Variants in ARHGAP28 observed in about 807,000 individuals in gnomAD.
ARHGAP28 encodes rho GTPase-activating protein 28.
ARHGAP28 carries 56 observed loss-of-function variants against 90.7 expected under a neutral mutation model. That is an observed-to-expected ratio of 0.62 (90% CI 0.50 to 0.77). The LOEUF is 0.77. ARHGAP28 is among the 30% of genes least tolerant of loss of function. The pLI is 0.00. For missense variants in ARHGAP28, 869 were observed against 900.9 expected, an observed-to-expected ratio of 0.96 and a Z score of 0.45; for synonymous variants, 308 against 323.3, an observed-to-expected ratio of 0.95 and a Z score of 0.51.
chr18:6,901,375 G>C (rs762966125), intron 16 of ARHGAP28, among the ~76,000 whole-genome samples: 3 of 152,072 alleles, frequency 2.0e-5, no homozygotes, highest in Non-Finnish European at 4.4e-5. Flanking sequence ...CACTCCCTAA[G>C]TGGTCTATGC....
intron 1 of ARHGAP28, among the ~76,000 whole-genome samples, chr18:6,785,229 C>T (rs1250812799): frequency 6.6e-6 from 1 of 152,138 alleles, no homozygotes; most frequent in African/African-American, 2.4e-5. Flanking sequence ...ACACAGATTC[C>T]AGATTACCTC....
intron 1 of ARHGAP28, among the ~76,000 whole-genome samples, chr18:6,783,561 A>G (rs1314443382): frequency 6.9e-6 from 1 of 144,268 alleles, no homozygotes; most frequent in Non-Finnish European, 1.5e-5. Flanking sequence ...TCAGCCTCCC[A>G]AAGTGCTGGG....
rs766791351 is a variant in ARHGAP28 at position 6,896,631 on chromosome 18, G to A, written c.2030+5G>A. 2.5e-6 allele frequency: 4 copies of A among 1,613,734 alleles called. No individual in the cohort carries two copies. The highest frequency in any genetic ancestry group is 3.4e-6 in the Non-Finnish European group (4 of 1,179,930). On this transcript the variant is annotated splice_donor_5th_base_variant and intron_variant, in intron 16 of 17. Transcript: ENST00000383472. ...AAAATTTCAATATGAAAACAGGTGA[G>A]TCAATGTGAATGAAGGTCTCTGCAC...
rs1670107008 is a variant in ARHGAP28 at position 6,912,608 on chromosome 18, C to A, written c.*454C>A. 1 of 152,230 alleles carries A rather than the reference C, an allele frequency of 6.6e-6. No individual in the cohort carries two copies. The allele number at this position is 152,230 out of a possible 1,614,324, so 9.4% of individuals were successfully genotyped here. On this transcript the variant is annotated 3_prime_UTR_variant, in exon 18 of 18. Coordinates refer to ENST00000383472, the MANE Select transcript of ARHGAP28 (RefSeq NM_001366230.1). ...ATGCCAGAAATAGCCTTCATTTCTACCCTGCAAAATAATCCAGATCTGCTT... is the reference window on the plus strand; with the variant it reads ...ATGCCAGAAATAGCCTTCATTTCTAACCTGCAAAATAATCCAGATCTGCTT...
At chr18:6,855,803 A>G (rs926428139) in intron 4 of ARHGAP28, among the ~76,000 whole-genome samples, 17 of 152,316 alleles carry the variant, frequency 1.1e-4, no homozygotes, top group Admixed American at 2.6e-4. Flanking sequence ...TGGTGCCCAC[A>G]GTGGAAGCCA....
chr18:6,864,697 AT>A (rs2057024972), intron 5 of ARHGAP28, among the ~76,000 whole-genome samples: 1 of 151,968 alleles, frequency 6.6e-6, no homozygotes, highest in East Asian at 1.9e-4. Flanking sequence ...TTATTTATTT[AT>A]TTTTGAGAGA....
chr18:6,870,926 G>C (rs544101259), intron 7 of ARHGAP28, among the ~76,000 whole-genome samples, 194 bp downstream of exon 7: 1 of 151,872 alleles, frequency 6.6e-6, no homozygotes, highest in Non-Finnish European at 1.5e-5. Context: ...TCAGCCTCCC[G>C]AGTAGCTGGG....
At position 6,859,852 on chromosome 18, in the gene ARHGAP28, C is replaced by T. The variant is rs753635900; in HGVS notation, c.681C>T (p.Ser227=). Residue 227 remains serine, a synonymous_variant, in exon 5 of 18, where the codon TCC becomes TCT. Transcript: ENST00000383472. ...SLNSTTLSDA[S]QDKEGSFAVP... ...ACAGTACTACCCTGTCTGACGCATCCCAGGATAAAGAAGGGAGTTTTGCGG... is the reference window on the plus strand; with the variant it reads ...ACAGTACTACCCTGTCTGACGCATCTCAGGATAAAGAAGGGAGTTTTGCGG... The T allele has an allele frequency of 1.9e-6, 3 of 1,614,128 alleles. No individual in the cohort carries two copies. Among genetic ancestry groups the T allele is most frequent in the East Asian group, 4.5e-5 (2 of 44,882 alleles).
At chr18:6,792,089 G>T (rs1011772260) in intron 1 of ARHGAP28, among the ~76,000 whole-genome samples, 2 of 152,098 alleles carry the variant, frequency 1.3e-5, no homozygotes, top group African/African-American at 4.8e-5. Context: ...GAACCACTGT[G>T]CCTGGTTTAA....
intron 1 of ARHGAP28, among the ~76,000 whole-genome samples, chr18:6,821,751 C>A (rs1363158837): frequency 6.6e-6 from 1 of 152,132 alleles, no homozygotes; most frequent in Non-Finnish European, 1.5e-5. Flanking sequence ...CTGCTCATGA[C>A]CAATAATATT....
chr18:6,905,766 C>G (rs2057361761), intron 16 of ARHGAP28, among the ~76,000 whole-genome samples: 1 of 151,916 alleles, frequency 6.6e-6, no homozygotes, highest in Non-Finnish European at 1.5e-5. Flanking sequence ...AAATTTAAAA[C>G]CAAAAGTAAA....
chr18:6,733,887 T>C (rs2055904384), intron 1 of ARHGAP28, among the ~76,000 whole-genome samples: 1 of 152,080 alleles, frequency 6.6e-6, no homozygotes, highest in East Asian at 1.9e-4. Context: ...TTATTCCTAA[T>C]GAGGAACACC....
At chr18:6,841,228 C>T (rs1473934101) in intron 3 of ARHGAP28, among the ~76,000 whole-genome samples, 2 of 121,200 alleles carry the variant, frequency 1.7e-5, no homozygotes, top group Admixed American at 1.9e-4. Context: ...TCTCTCCCCC[C>T]AACCCGCCCC....
intron 1 of ARHGAP28, among the ~76,000 whole-genome samples, chr18:6,782,415 A>AATT (rs1216660762): frequency 5.9e-5 from 9 of 151,422 alleles, no homozygotes; most frequent in Admixed American, 2.6e-4. Flanking sequence ...TCAAGACATT[A>AATT]ATTATTATTA....
At chr18:6,799,069 G>C (rs187884240) in intron 1 of ARHGAP28, among the ~76,000 whole-genome samples, 2 of 152,260 alleles carry the variant, frequency 1.3e-5, no homozygotes, top group East Asian at 3.9e-4. Context: ...TTTTCATCTG[G>C]TAGGATCAGG....
At chr18:6,774,436 G>A (rs901280872) in intron 1 of ARHGAP28, among the ~76,000 whole-genome samples, 1 of 152,114 alleles carries the variant, frequency 6.6e-6, no homozygotes, top group Non-Finnish European at 1.5e-5. Flanking sequence ...ACCTCTCACA[G>A]CAGATTTTTG....
At chr18:6,903,456 T>C (rs1266179807) in intron 16 of ARHGAP28, among the ~76,000 whole-genome samples, 1 of 152,188 alleles carries the variant, frequency 6.6e-6, no homozygotes. Context: ...AAGTTACACA[T>C]GTACTGTAAT....
chr18:6,801,813 T>G (rs1387692939), intron 1 of ARHGAP28, among the ~76,000 whole-genome samples: 1 of 152,170 alleles, frequency 6.6e-6, no homozygotes, highest in Non-Finnish European at 1.5e-5. Context: ...TGATAAATTA[T>G]TATAAATAGC....
intron 2 of ARHGAP28, among the ~76,000 whole-genome samples, chr18:6,826,874 G>A (rs1157921386): frequency 1.3e-5 from 2 of 151,832 alleles, no homozygotes; most frequent in Non-Finnish European, 2.9e-5. Context: ...TTGAGATTAG[G>A]GAGTGGTGAT....
Sources: gnomAD v4.1 joint callset for allele counts (sites outside exome capture counted in the v4.1 genomes callset) on GRCh38, gnomAD v4.1.1 for gene constraint, MANE v1.5 for transcripts, NCBI Gene and HGNC (gene_info 2026-07-23, HGNC 2026-07-21) for gene names.